F11: variants seen among roughly 807,000 people sequenced by gnomAD.
F11 encodes the protein coagualtion factor XI.
Under a neutral mutation model 76.5 loss-of-function variants are expected in F11, and 78 were observed. The observed-to-expected ratio is 1.02, with a 90% CI of 0.85 to 1.23. The LOEUF is 1.23. Among genes scored for constraint, F11 ranks in the 50% most tolerant of loss-of-function variants. The probability of loss-of-function intolerance (pLI) is 0.00; values close to 1 mark genes in which losing one functional copy is unlikely to be tolerated. For missense variants in F11, 742 were observed against 771.4 expected, an observed-to-expected ratio of 0.96 and a Z score of 0.45; for synonymous variants, 278 against 276.3, an observed-to-expected ratio of 1.01 and a Z score of -0.06.
At chr4:186,269,545 G>A (rs1323039367) in intron 2 of F11, among the ~76,000 whole-genome samples, 3 of 152,244 alleles carry the variant, frequency 2.0e-5, no homozygotes, top group Non-Finnish European at 2.9e-5. Flanking sequence ...ACTTAGGGTA[G>A]TCAATTTCAT....
intron 10 of F11, chr4:186,282,292 T>C (rs949640230): frequency 3.0e-6 from 3 of 985,284 alleles, no homozygotes; most frequent in Non-Finnish European, 2.4e-6. Context: ...GATTGATAGC[T>C]ACAGGAGAAA....
At chr4:186,283,117 A>G in intron 10 of F11, 1 of 859,308 alleles carries the variant, frequency 1.2e-6, no homozygotes, top group African/African-American at 1.8e-5. Context: ...AAAGAATTTC[A>G]GGACCCACAC....
intron 10 of F11, chr4:186,282,398 G>T (rs1176375169): frequency 1.0e-6 from 1 of 985,280 alleles, no homozygotes; most frequent in Non-Finnish European, 1.2e-6. Context: ...TGTATTTGAT[G>T]AAATAACCCC....
At chr4:186,271,512 A>AT in intron 2 of F11, 97 bp from the exon 3 acceptor site, 1 of 1,326,052 alleles carries the variant, frequency 7.5e-7, no homozygotes. Flanking sequence ...ATTTCCTGGT[A>AT]AGTAGAGCTA....
At chr4:186,286,822 T>TA (rs752738145) in intron 13 of F11, 12 of 581,966 alleles carry the variant, frequency 2.1e-5, no homozygotes, top group Non-Finnish European at 2.4e-5. Context: ...TCATTCCAGT[T>TA]AGAGTCATAA....
chr4:186,281,953 T>A (rs1304695071), intron 10 of F11: 2 of 1,280,792 alleles, frequency 1.6e-6, no homozygotes, highest in Non-Finnish European at 2.1e-6. Context: ...GGCGCTCCGA[T>A]GAAAATCTCT....
In F11 at chr4:186,287,775, T is replaced by A; in HGVS notation, c.1668T>A (p.His556Gln). ...GATACAGAGGACATAAAATAACCCA[T>A]AAGATGATCTGTGCCGGCTACAGGG... ...QKRYRGHKIT[H>Q]KMICAGYREG... Residue 556 changes from histidine to glutamine, a missense_variant, in exon 14 of 15, where the codon CAT becomes CAA. His to Gln is a conservative substitution (Grantham distance 24). Transcript: ENST00000403665. The A allele has an allele frequency of 1.2e-6, 2 of 1,613,444 alleles. No individual in the cohort carries two copies. Among genetic ancestry groups the A allele is most frequent in the Non-Finnish European group, 1.7e-6 (2 of 1,179,690 alleles).
intron 7 of F11, among the ~76,000 whole-genome samples, chr4:186,278,048 C>A (rs1272508765): frequency 2.6e-5 from 4 of 152,224 alleles, no homozygotes; most frequent in Admixed American, 2.6e-4. Context: ...ATCCACCTGC[C>A]TTGGTCTCCC....
intron 8 of F11, 25 bp downstream of exon 8, chr4:186,280,146 G>A (rs1285289125): frequency 1.9e-6 from 3 of 1,613,848 alleles, no homozygotes; most frequent in Non-Finnish European, 2.5e-6. Flanking sequence ...CTGCATTCTG[G>A]CTGAGAGTGA....
intron 14 of F11, among the ~76,000 whole-genome samples, chr4:186,288,138 T>C (rs1741353097): frequency 6.6e-6 from 1 of 151,914 alleles, no homozygotes; most frequent in Non-Finnish European, 1.5e-5. Context: ...GGTCTCGATC[T>C]CCTGACCTCA....
At position 186,266,372 on chromosome 4, in the gene F11, A is replaced by G. The variant is rs535271421; in HGVS notation, c.-2+77A>G. On this transcript the variant is annotated intron_variant, in intron 1 of 14. Transcript: ENST00000403665. Reference sequence around the variant, plus strand: ...GAAATGCTTTTTTTAAATCATAGGAATTTAAAAACACTTTACAATAGAGAA... The same window carrying G: ...GAAATGCTTTTTTTAAATCATAGGAGTTTAAAAACACTTTACAATAGAGAA... The G allele has an allele frequency of 2.6e-5, 4 of 152,314 alleles. No individual in the cohort carries two copies. In the South Asian group the frequency reaches 6.2e-4, roughly 24 times the overall value. The allele number at this position is 152,314 out of a possible 1,614,324, so 9.4% of individuals were successfully genotyped here.
At chr4:186,276,166 C>G in intron 6 of F11, 65 bp from the exon 7 acceptor site, 1 of 1,592,186 alleles carries the variant, frequency 6.3e-7, no homozygotes, top group Non-Finnish European at 8.6e-7. Flanking sequence ...TTTACACATA[C>G]TGTGACCGGA....
rs762616690 is a variant in F11, at chr4:186,284,232, A to C, written c.1276A>C (p.Ile426Leu). Reference sequence around the variant, plus strand: ...AGGCTCCATCATTGGAAACCAGTGGATATTAACAGCCGCTCACTGTTTCTA... The same window carrying C: ...AGGCTCCATCATTGGAAACCAGTGGCTATTAACAGCCGCTCACTGTTTCTA... ...CGGSIIGNQW[I>L]LTAAHCFYGV... Residue 426 changes from isoleucine to leucine, a missense_variant, in exon 11 of 15, where the codon ATA becomes CTA. Transcript: ENST00000403665. The C allele has an allele frequency of 6.2e-7, 1 of 1,614,218 alleles. No homozygotes were observed. Among genetic ancestry groups the C allele is most frequent in the South Asian group, 1.1e-5 (1 of 91,084 alleles).
chr4:186,269,648 C>A lies in F11; in HGVS notation c.56-1961C>A, dbSNP rs539063225. ...TTAATGGGCACAGAGCATCAGCTGG[C>A]GAAGTTGAAAAGTTCTGGAGGTGGA... On this transcript the variant is annotated intron_variant, in intron 2 of 14. Coordinates refer to ENST00000403665, the MANE Select transcript of F11 (RefSeq NM_000128.4). Among the ~76,000 whole-genome samples, 7 of 152,092 alleles carry A rather than the reference C, an allele frequency of 4.6e-5. No individual in the cohort carries two copies. The Middle Eastern group carries it at 0.01, about 222-fold the overall frequency.
rs1359685833 is a variant in F11 at position 186,288,607 on chromosome 4, C to T, written c.1871C>T (p.Ala624Val). The change falls in exon 15 of 15, where the codon GCA becomes GTA. Residue 624 changes from alanine to valine, a missense_variant. Transcript: ENST00000403665. ...GACTGGATTCTGGAGAAAACTCAAG[C>T]AGTGTGAATGGGTTCCCAGGGGCCA... ...YVDWILEKTQ[A>V]V 6.2e-7 allele frequency: 1 copy of T among 1,613,942 alleles called. No homozygotes were observed. The highest frequency in any genetic ancestry group is 1.7e-5 in the Admixed American group (1 of 59,996).
chr4:186,287,957 T>G lies in F11; in HGVS notation c.1716+134T>G, dbSNP rs917642663. 2.7e-5 allele frequency: 28 copies of G among 1,041,236 alleles called. No homozygotes were observed. The Admixed American group carries it at 5.4e-4, about 20-fold the overall frequency. 64.5% of individuals were successfully genotyped at this position (1,041,236 alleles called of 1,614,324 possible). A position where few individuals can be genotyped will look rare whatever the true frequency, so the allele number is the denominator to read the frequency against. On this transcript the variant is annotated intron_variant, in intron 14 of 14. Transcript: ENST00000403665. Reference sequence around the variant, plus strand: ...TCTCGCTCTGTTGCCCAGGCTGGAGTGCAGTGGCTCGATCTCAGCTCACTG... The same window carrying G: ...TCTCGCTCTGTTGCCCAGGCTGGAGGGCAGTGGCTCGATCTCAGCTCACTG...
At chr4:186,269,454 ATGAACCT>A (rs1488939677) in intron 2 of F11, among the ~76,000 whole-genome samples, 1 of 152,262 alleles carries the variant, frequency 6.6e-6, no homozygotes, top group Non-Finnish European at 1.5e-5. Flanking sequence ...TATGACATGG[ATGAACCT>A]TGAGGACATT....
intron 10 of F11, among the ~76,000 whole-genome samples, chr4:186,283,307 A>G (rs1319556597): frequency 2.6e-5 from 4 of 151,974 alleles, no homozygotes; most frequent in Admixed American, 6.6e-5. Context: ...ATTCCCATCC[A>G]TCTGTGTTCC....
chr4:186,275,353 G>C (rs1254123425), intron 5 of F11, among the ~76,000 whole-genome samples: 2 of 152,184 alleles, frequency 1.3e-5, no homozygotes, highest in Non-Finnish European at 2.9e-5. Flanking sequence ...AAATTAGCCA[G>C]GCGCGGTGGT....
Sources: allele counts gnomAD v4.1 joint callset (sites outside exome capture counted in the v4.1 genomes callset), GRCh38; gene constraint gnomAD v4.1.1; transcripts MANE v1.5; gene names NCBI Gene and HGNC (gene_info 2026-07-23, HGNC 2026-07-21).